Variants in PUM2 observed in about 807,000 individuals in gnomAD.
The protein encoded by PUM2 is pumilio RNA binding family member 2, also known as pumilio homolog 2.
In PUM2, 57 loss-of-function variants were observed where a neutral mutation model predicts 124.5. The observed-to-expected ratio is 0.46, with a 90% CI of 0.37 to 0.57. PUM2 has a LOEUF of 0.57. PUM2 is among the 20% of genes least tolerant of loss of function. PUM2 has a pLI of 0.00. For missense variants in PUM2, 1,065 were observed against 1,290.6 expected (o/e 0.83, Z 2.68); for synonymous variants, 460 against 446.1 (o/e 1.03, Z -0.39).
At chr2:20,290,932 A>G (rs1327596569) in intron 9 of PUM2, 142 bp from the exon 10 acceptor site, 1 of 638,972 alleles carries the variant, frequency 1.6e-6, no homozygotes, top group South Asian at 3.3e-5. Context: ...ATTTAGCATG[A>G]AAAATCACAA....
At chr2:20,346,881 A>G (rs1253096729) in intron 1 of PUM2, among the ~76,000 whole-genome samples, 2 of 152,190 alleles carry the variant, frequency 1.3e-5, no homozygotes, top group African/African-American at 4.8e-5. Context: ...TGTGGTCCCA[A>G]CATATTTAGC....
chr2:20,255,304 A>ACT lies in PUM2; in HGVS notation c.2658_2659dup (p.Val887GlufsTer2). ...GCAATGCTCTAGGATGCGCTGAATT[A>ACT]CTCTGCAGCCATAAGGATGAGTTGA... is the stretch of plus-strand genomic sequence containing the variant. On this transcript the variant is annotated frameshift_variant, in exon 18 of 21. Transcript: ENST00000361078. LOFTEE classifies it high-confidence loss of function. 1 of 1,611,760 alleles carries ACT rather than the reference A, an allele frequency of 6.2e-7. No individual in the cohort carries two copies. The highest frequency in any genetic ancestry group is 8.5e-7 in the Non-Finnish European group (1 of 1,178,106).
intron 1 of PUM2, among the ~76,000 whole-genome samples, chr2:20,349,041 A>C (rs1482986064): frequency 6.6e-6 from 1 of 152,272 alleles, no homozygotes; most frequent in Non-Finnish European, 1.5e-5. Flanking sequence ...ATTTATTCTA[A>C]AGTGACAGCT....
At chr2:20,281,471 G>A (rs1671505457) in intron 12 of PUM2, among the ~76,000 whole-genome samples, 1 of 152,100 alleles carries the variant, frequency 6.6e-6, no homozygotes, top group South Asian at 2.1e-4. Context: ...TTTAATCAAT[G>A]CTCTCTTTTT....
chr2:20,280,606 C>A (rs899495502), intron 12 of PUM2, among the ~76,000 whole-genome samples: 1 of 152,116 alleles, frequency 6.6e-6, no homozygotes, highest in Non-Finnish European at 1.5e-5. Context: ...TTGACACATG[C>A]AATATTATTT....
At chr2:20,269,237 G>A (rs1668469101) in intron 13 of PUM2, among the ~76,000 whole-genome samples, 1 of 151,986 alleles carries the variant, frequency 6.6e-6, no homozygotes, top group African/African-American at 2.4e-5. Flanking sequence ...GTGCCACTCT[G>A]TCACCCAGGC....
At chr2:20,274,781 CATCA>C (rs1358375855) in intron 13 of PUM2, among the ~76,000 whole-genome samples, 5 of 151,166 alleles carry the variant, frequency 3.3e-5, no homozygotes, top group South Asian at 4.2e-4. Flanking sequence ...GTAAGTTCCA[CATCA>C]ATCAAATTAC....
chr2:20,254,391 C>A (rs1039893133), intron 19 of PUM2, among the ~76,000 whole-genome samples: 5 of 152,114 alleles, frequency 3.3e-5, no homozygotes, highest in Admixed American at 1.3e-4. Context: ...CTGGGCTCGA[C>A]TGATCCTCCT....
At position 20,318,606 on chromosome 2, in the gene PUM2, T is replaced by C. The variant is rs1441777992; in HGVS notation, c.91A>G (p.Thr31Ala). The C allele has an allele frequency of 1.2e-6, 2 of 1,613,772 alleles. No individual in the cohort carries two copies. The highest frequency in any genetic ancestry group is 1.7e-5 in the Admixed American group (1 of 60,012). ...TKKFWEPDDS[T>A]KDGQKGIFLG... is the part of the protein sequence containing the mutation. ...AATATGCCTTTTTGTCCATCTTTTG[T>C]TGAATCATCAGGTTCCCAAAACTTT... Residue 31 changes from threonine (T) to alanine (A), a missense_variant, in exon 3 of 21, where the codon ACA (threonine) becomes GCA (alanine). Transcript: ENST00000361078.
intron 13 of PUM2, among the ~76,000 whole-genome samples, chr2:20,278,368 A>G (rs1670729494): frequency 2.0e-5 from 3 of 152,188 alleles, no homozygotes; most frequent in Admixed American, 2.0e-4. Flanking sequence ...AAAAAAACAT[A>G]AGAAACAATA....
chr2:20,301,931 A>C (rs1422703632), intron 7 of PUM2, among the ~76,000 whole-genome samples: 2 of 152,338 alleles, frequency 1.3e-5, no homozygotes, highest in East Asian at 3.9e-4. Context: ...TAGAAGGAAC[A>C]TGATATAATC....
intron 13 of PUM2, among the ~76,000 whole-genome samples, chr2:20,265,840 T>C (rs541253043): frequency 1.4e-5 from 2 of 147,254 alleles, no homozygotes; most frequent in Non-Finnish European, 3.0e-5. Context: ...CACTTACTCG[T>C]TACTATTTCT....
chr2:20,258,933 C>T (rs1030883087), intron 15 of PUM2, among the ~76,000 whole-genome samples: 2 of 151,898 alleles, frequency 1.3e-5, no homozygotes, highest in African/African-American at 4.8e-5. Flanking sequence ...TCCCAAAGTG[C>T]TGGGATTACA....
In PUM2 at chr2:20,251,533, A is replaced by C. The variant is rs535100565; in HGVS notation, c.*52T>G. On this transcript the variant is annotated 3_prime_UTR_variant, in exon 21 of 21. Transcript: ENST00000361078. ...GTTGTGTTTTGATAATTCACACACA[A>C]AAAAATTCTTTTCACATGGTTAAAT... 3.4e-5 allele frequency: 52 copies of C among 1,549,702 alleles called. No individual in the cohort carries two copies. The African/African-American group carries it at 5.9e-4, about 18-fold the overall frequency.
chr2:20,294,194 A>G (rs1365640727), intron 9 of PUM2, among the ~76,000 whole-genome samples, 182 bp downstream of exon 9: 1 of 151,786 alleles, frequency 6.6e-6, no homozygotes, highest in African/African-American at 2.4e-5. Flanking sequence ...AAATCTTTTA[A>G]ATTCATATAA....
intron 10 of PUM2, among the ~76,000 whole-genome samples, chr2:20,289,049 T>C (rs1230596263): frequency 3.9e-5 from 6 of 152,098 alleles, no homozygotes; most frequent in Non-Finnish European, 2.9e-5. Context: ...TCCCAGCACT[T>C]TGGGAGGCCA....
At chr2:20,260,573 C>A (rs2148515189) in intron 14 of PUM2, 107 bp from the exon 15 acceptor site, 4 of 1,021,262 alleles carry the variant, frequency 3.9e-6, no homozygotes, top group South Asian at 4.1e-5. Flanking sequence ...ATAAATATTA[C>A]CATACTTTAT....
chr2:20,328,179 CA>C (rs1684114542), intron 1 of PUM2, among the ~76,000 whole-genome samples: 1 of 152,036 alleles, frequency 6.6e-6, no homozygotes, highest in Admixed American at 6.6e-5. Flanking sequence ...ACCAAAAATA[CA>C]AAAAAATTAG....
intron 2 of PUM2, among the ~76,000 whole-genome samples, chr2:20,326,660 G>A (rs1315505561): frequency 2.0e-5 from 3 of 152,136 alleles, no homozygotes; most frequent in Non-Finnish European, 2.9e-5. Context: ...TAACTTTGGT[G>A]CTCCAAAGAA....
Sources: allele counts gnomAD v4.1 joint callset (sites outside exome capture counted in the v4.1 genomes callset), GRCh38; gene constraint gnomAD v4.1.1; transcripts MANE v1.5; gene names NCBI Gene and HGNC (gene_info 2026-07-23, HGNC 2026-07-21).